SPACA7: variants seen among roughly 807,000 people sequenced by gnomAD.
SPACA7 encodes sperm acrosome associated 7, also known as sperm acrosome-associated protein 7.
In SPACA7, 19 loss-of-function variants were observed where a neutral mutation model predicts 26.3. The ratio of observed to expected loss-of-function variants is 0.72; its 90% confidence interval spans 0.50 to 1.06. SPACA7 has a LOEUF of 1.06. Ranked by LOEUF, SPACA7 falls within the 50% of genes least tolerant of loss-of-function variation. The pLI is 0.00. For synonymous variants in SPACA7, 84 were observed against 84.5 expected (o/e 0.99, Z 0.04); for missense variants, 211 against 229.9 (o/e 0.92, Z 0.53).
chr13:112,414,388 C>CTTTTTTTTTTTTTTTTTT (rs869183760), intron 5 of SPACA7, among the ~76,000 whole-genome samples: 2 of 31,396 alleles, frequency 6.4e-5, no homozygotes, highest in Non-Finnish European at 1.2e-4. Flanking sequence ...TTTTCTGTGT[C>CTTTTTTTTTTTTTTTTTT]TTTTTTTTTT....
At chr13:112,390,900 G>A (rs1278015) in intron 1 of SPACA7, among the ~76,000 whole-genome samples, 45,885 of 151,868 alleles carry the variant, frequency 0.3, 7,244 homozygotes, top group Non-Finnish European at 0.35. Flanking sequence ...CAGAAGACAG[G>A]AAACCCTCAC....
At chr13:112,386,168 C>T (rs1262779617) in intron 1 of SPACA7, among the ~76,000 whole-genome samples, 2 of 152,340 alleles carry the variant, frequency 1.3e-5, no homozygotes, top group African/African-American at 4.8e-5. Context: ...GTAATTAGAC[C>T]ATCCCCCATG....
intron 4 of SPACA7, 140 bp from the exon 5 acceptor site, chr13:112,400,929 T>C (rs1172744278): frequency 3.0e-6 from 2 of 664,556 alleles, no homozygotes; most frequent in African/African-American, 3.6e-5. Context: ...ATATTGAGTT[T>C]CCAAAACATA....
In SPACA7 at chr13:112,412,850, C is replaced by T. The variant is rs548389013; in HGVS notation, c.445+11686C>T. On this transcript the variant is annotated intron_variant, in intron 5 of 6. Transcript: ENST00000283550. ...TCAGTGTATTTATTACAGATTTTTG[C>T]TTTGTGGTTACCAGGAAACCTAAAA... 3.0e-3 allele frequency among the ~76,000 whole-genome samples: 455 copies of T among 152,112 alleles called. 1 individual carries two copies. The highest frequency in any genetic ancestry group is 0.011 in the African/African-American group (439 of 41,522).
At chr13:112,377,449 A>G (rs572564604) in intron 1 of SPACA7, among the ~76,000 whole-genome samples, 5 of 152,314 alleles carry the variant, frequency 3.3e-5, no homozygotes, top group African/African-American at 1.2e-4. Context: ...ATGAACCTCC[A>G]TGTATTCACC....
chr13:112,429,405 C>T lies in SPACA7; in HGVS notation c.446-3039C>T, dbSNP rs375039258. On this transcript the variant is annotated intron_variant, in intron 5 of 6. Coordinates refer to ENST00000283550, the MANE Select transcript of SPACA7 (RefSeq NM_145248.5). Reference sequence around the variant, plus strand: ...AAAAAAAAAAGAAAGAAAGAAATGACTCTTTTATTCCTAGTAATATTATTT... The same window carrying T: ...AAAAAAAAAAGAAAGAAAGAAATGATTCTTTTATTCCTAGTAATATTATTT... Among the ~76,000 whole-genome samples, 189 of 151,574 alleles carry T rather than the reference C, an allele frequency of 1.2e-3. 2 individuals carry two copies. The South Asian group carries it at 0.037, about 30-fold the overall frequency.
chr13:112,383,344 GT>G (rs1036213810), intron 1 of SPACA7, among the ~76,000 whole-genome samples: 17 of 152,094 alleles, frequency 1.1e-4, no homozygotes, highest in Non-Finnish European at 2.1e-4. Context: ...TGTACTATAG[GT>G]TTTTTGGAAG....
chr13:112,389,662 A>G (rs970972213), intron 1 of SPACA7, among the ~76,000 whole-genome samples: 3 of 152,238 alleles, frequency 2.0e-5, no homozygotes, highest in African/African-American at 7.2e-5. Context: ...AAAATATCAC[A>G]TATATGTAAC....
intron 5 of SPACA7, among the ~76,000 whole-genome samples, chr13:112,406,396 G>A (rs1885988414): frequency 6.6e-6 from 1 of 152,046 alleles, no homozygotes. Flanking sequence ...TGTCTTCAAG[G>A]TTCATCCCTG....
intron 1 of SPACA7, among the ~76,000 whole-genome samples, chr13:112,378,126 G>C (rs1323855473): frequency 6.6e-6 from 1 of 152,164 alleles, no homozygotes; most frequent in East Asian, 1.9e-4. Context: ...GAAGGCCTGA[G>C]TTGTCAGGCT....
intron 6 of SPACA7, among the ~76,000 whole-genome samples, chr13:112,433,935 A>G (rs1325365352): frequency 1.3e-5 from 2 of 152,166 alleles, no homozygotes; most frequent in African/African-American, 2.4e-5. Flanking sequence ...GTTCCCTGGG[A>G]CCTGACTGTT....
intron 5 of SPACA7, among the ~76,000 whole-genome samples, chr13:112,412,446 C>G (rs1226582661): frequency 6.6e-6 from 1 of 151,998 alleles, no homozygotes; most frequent in African/African-American, 2.4e-5. Context: ...TGTGTAGGAG[C>G]TTTTTAGCTT....
chr13:112,434,049 G>A (rs1362947975), intron 6 of SPACA7, among the ~76,000 whole-genome samples: 6 of 152,152 alleles, frequency 3.9e-5, no homozygotes, highest in East Asian at 1.9e-4. Flanking sequence ...AGGTGTGGCC[G>A]TCGGCAACAG....
chr13:112,386,490 G>T (rs540940311), intron 1 of SPACA7, among the ~76,000 whole-genome samples: 14 of 151,636 alleles, frequency 9.2e-5, no homozygotes, highest in Admixed American at 2.6e-4. Flanking sequence ...GTCTTTTTTT[G>T]TTTGTTTTTT....
chr13:112,377,706 G>A (rs1398504972), intron 1 of SPACA7, among the ~76,000 whole-genome samples: 2 of 152,176 alleles, frequency 1.3e-5, no homozygotes, highest in African/African-American at 4.8e-5. Flanking sequence ...AGAGGAGCCT[G>A]GCATGAGGTA....
At chr13:112,392,027 T>A (rs984935787) in intron 1 of SPACA7, among the ~76,000 whole-genome samples, 4 of 152,162 alleles carry the variant, frequency 2.6e-5, no homozygotes, top group African/African-American at 9.7e-5. Flanking sequence ...TGGTTTAGTG[T>A]TGGAACTTCA....
intron 1 of SPACA7, chr13:112,382,400 T>C (rs1400725397): frequency 6.5e-7 from 1 of 1,542,162 alleles, no homozygotes; most frequent in Admixed American, 2.0e-5. Context: ...GCCTGGCCAA[T>C]AACACCTTAA....
intron 1 of SPACA7, among the ~76,000 whole-genome samples, chr13:112,383,157 G>GA (rs767051457): frequency 2.8e-3 from 336 of 119,250 alleles, no homozygotes; most frequent in African/African-American, 0.01. Flanking sequence ...AAGAAAGAAA[G>GA]AAAGAAAGAA....
At chr13:112,413,565 T>C (rs369182268) in intron 5 of SPACA7, among the ~76,000 whole-genome samples, 5 of 152,206 alleles carry the variant, frequency 3.3e-5, no homozygotes, top group African/African-American at 1.2e-4. Flanking sequence ...TGGGGTAGTT[T>C]TACTTGGGTT....
Sources: gnomAD v4.1 joint callset for allele counts (sites outside exome capture counted in the v4.1 genomes callset) on GRCh38, gnomAD v4.1.1 for gene constraint, MANE v1.5 for transcripts, NCBI Gene and HGNC (gene_info 2026-07-23, HGNC 2026-07-21) for gene names.